The following ARMH3 variants were observed in gnomAD, a reference collection of about 807,000 sequenced individuals.
The protein encoded by ARMH3 is armadillo like helical domain containing 3, also known as armadillo-like helical domain-containing protein 3.
ARMH3 carries 60 observed loss-of-function variants against 99.1 expected under a neutral mutation model. The ratio of observed to expected loss-of-function variants is 0.61; its 90% CI spans 0.49 to 0.75. ARMH3 has a LOEUF of 0.75. Among genes scored for constraint, ARMH3 ranks in the 30% least tolerant of loss-of-function variants. The probability of loss-of-function intolerance (pLI) is 0.00; values close to 1 mark genes in which losing one functional copy is unlikely to be tolerated. For synonymous variants in ARMH3, 285 were observed against 292.8 expected, an observed-to-expected ratio of 0.97 and a Z score of 0.27; for missense variants, 679 against 843.1, an observed-to-expected ratio of 0.81 and a Z score of 2.41.
chr10:101,877,078 G>A (rs775024548), intron 24 of ARMH3, among the ~76,000 whole-genome samples: 24 of 152,004 alleles, frequency 1.6e-4, no homozygotes, highest in Middle Eastern at 3.4e-3. Flanking sequence ...GTGTGGTGGC[G>A]CACACCTGTA....
At chr10:101,928,577 G>C (rs1454274837) in intron 23 of ARMH3, among the ~76,000 whole-genome samples, 1 of 152,176 alleles carries the variant, frequency 6.6e-6, no homozygotes, top group Admixed American at 6.5e-5. Flanking sequence ...GCTAAGGCAG[G>C]AGGATCACTT....
intron 20 of ARMH3, 74 bp downstream of exon 20, chr10:101,975,138 T>C: frequency 1.2e-6 from 1 of 865,572 alleles, no homozygotes; most frequent in Non-Finnish European, 1.5e-6. Context: ...AAACAAAAAA[T>C]CCACCTTGAG....
At chr10:101,901,576 G>A (rs1169542121) in intron 23 of ARMH3, among the ~76,000 whole-genome samples, 1 of 152,050 alleles carries the variant, frequency 6.6e-6, no homozygotes, top group Non-Finnish European at 1.5e-5. Flanking sequence ...CGCCCTTCTC[G>A]TCAGCTCTGA....
At chr10:101,946,634 G>C (rs867311719) in intron 22 of ARMH3, among the ~76,000 whole-genome samples, 5 of 152,108 alleles carry the variant, frequency 3.3e-5, no homozygotes, top group Admixed American at 6.6e-5. Flanking sequence ...GACAAATGGG[G>C]GAGGGGAGGG....
chr10:101,885,383 C>A (rs190719172), intron 24 of ARMH3, among the ~76,000 whole-genome samples: 1 of 152,160 alleles, frequency 6.6e-6, no homozygotes, highest in Admixed American at 6.5e-5. Context: ...TGGAGATAAC[C>A]CAAATGTCCA....
At chr10:102,053,083 A>C (rs1429657578) in intron 1 of ARMH3, among the ~76,000 whole-genome samples, 1 of 151,942 alleles carries the variant, frequency 6.6e-6, no homozygotes, top group East Asian at 1.9e-4. Flanking sequence ...CCTCCTCTTC[A>C]TTCCCACAGC....
intron 8 of ARMH3, among the ~76,000 whole-genome samples, chr10:102,022,876 G>A (rs1031339678): frequency 2.7e-5 from 4 of 146,898 alleles, no homozygotes; most frequent in Non-Finnish European, 4.5e-5. Flanking sequence ...CACCGTGCCC[G>A]GCCGAAATTT....
chr10:102,041,075 C>CATATATATATATATAATATATATATATAT (rs199540605), intron 1 of ARMH3, among the ~76,000 whole-genome samples: 1 of 132,008 alleles, frequency 7.6e-6, no homozygotes, highest in Non-Finnish European at 1.6e-5. Flanking sequence ...ATTGTGTGTA[C>CATATATATATATATAATATATATATATAT]ATATATATAT....
chr10:102,038,098 T>TC (rs1330067819), intron 2 of ARMH3, among the ~76,000 whole-genome samples: 1 of 143,478 alleles, frequency 7.0e-6, no homozygotes, highest in Non-Finnish European at 1.5e-5. Context: ...CCTTTTTTTT[T>TC]TTTTTTTTTT....
rs369302068 is a variant in ARMH3 at position 101,849,820 on chromosome 10, G to A, written c.1933C>T (p.Arg645Cys). The A allele has an allele frequency of 5.0e-6, 8 of 1,614,172 alleles. No individual in the cohort carries two copies. Among genetic ancestry groups the A allele is most frequent in the South Asian group, 1.1e-5 (1 of 91,088 alleles). Residue 645 changes from arginine to cysteine, a missense_variant, in exon 25 of 26, where the codon CGC becomes TGC. By Grantham distance (180) the Arg-to-Cys change is radical. Transcript: ENST00000370033. ...KLQDGLDQYE[R>C]YSEQHKEAAF... ...GCTTCCTTGTGCTGCTCTGAGTAGC[G>A]CTCATACTGGTCCAGGCCATCCTGC...
chr10:101,980,093 C>G (rs1684601687), intron 19 of ARMH3, among the ~76,000 whole-genome samples: 1 of 152,204 alleles, frequency 6.6e-6, no homozygotes, highest in Non-Finnish European at 1.5e-5. Context: ...ACTCCAGGCT[C>G]ATCACACAAA....
intron 1 of ARMH3, among the ~76,000 whole-genome samples, chr10:102,043,417 G>C (rs898292283): frequency 6.6e-6 from 1 of 152,170 alleles, no homozygotes; most frequent in African/African-American, 2.4e-5. Context: ...AGCACCTAAA[G>C]CCCTAGTTTA....
intron 19 of ARMH3, among the ~76,000 whole-genome samples, chr10:101,985,346 T>C (rs148769274): frequency 0.012 from 1,799 of 151,070 alleles, 32 homozygotes; most frequent in African/African-American, 0.038. Context: ...TGGGTTTATA[T>C]ATACACATAT....
At chr10:101,854,833 A>G (rs1037852039) in intron 24 of ARMH3, among the ~76,000 whole-genome samples, 1 of 151,918 alleles carries the variant, frequency 6.6e-6, no homozygotes, top group Non-Finnish European at 1.5e-5. Context: ...ACATCTTATA[A>G]GGCTGATGTG....
chr10:102,007,171 A>AAAAAAAG (rs2066516881), intron 13 of ARMH3, among the ~76,000 whole-genome samples: 3 of 149,356 alleles, frequency 2.0e-5, no homozygotes, highest in African/African-American at 4.9e-5. Context: ...AAAAAAAAAA[A>AAAAAAAG]AAAAAAAGAA....
rs546674218 is a variant in ARMH3, at chr10:102,006,452, C to T, written c.1048+88G>A. ...ATTTAGTGGGAAAAATTAACAACTA[C>T]GTAGGTTCTTTGTTGAACACAGCTA... On this transcript the variant is annotated intron_variant, in intron 14 of 25. Transcript: ENST00000370033. 9.8e-5 allele frequency: 140 copies of T among 1,422,292 alleles called. No individual in the cohort carries two copies. In the African/African-American group the frequency reaches 1.5e-3, roughly 15 times the overall value. The allele number at this position is 1,422,292 out of a possible 1,614,324, so 88.1% of individuals were successfully genotyped here.
At chr10:102,022,763 G>T (rs1256606668) in intron 8 of ARMH3, among the ~76,000 whole-genome samples, 1 of 150,142 alleles carries the variant, frequency 6.7e-6, no homozygotes, top group East Asian at 2.0e-4. Flanking sequence ...TGTATTTTTA[G>T]TAGAGACGGG....
rs116093009 is a variant in ARMH3 at position 102,045,160 on chromosome 10, A to G, written c.-11-5035T>C. Among the ~76,000 whole-genome samples the G allele has an allele frequency of 7.9e-3, 1,196 of 151,596 alleles. 17 individuals are homozygous for G. The highest frequency in any genetic ancestry group is 0.028 in the African/African-American group (1,134 of 41,076). On this transcript the variant is annotated intron_variant, in intron 1 of 25. Coordinates refer to ENST00000370033, the MANE Select transcript of ARMH3 (RefSeq NM_024541.3). The stretch of plus-strand genomic sequence containing the variant: ...AAAAAAAAAAAAAAAGAGCGAAACA[A>G]AAGTAAATAGTTTAGGGGGAAAAAT...
At chr10:102,034,970 C>T (rs959269001) in intron 2 of ARMH3, among the ~76,000 whole-genome samples, 1 of 152,160 alleles carries the variant, frequency 6.6e-6, no homozygotes, top group African/African-American at 2.4e-5. Flanking sequence ...GGCACAGTGG[C>T]TCACACCTGT....
Sources: gnomAD v4.1 joint callset for allele counts (sites outside exome capture counted in the v4.1 genomes callset) on GRCh38, gnomAD v4.1.1 for gene constraint, MANE v1.5 for transcripts, NCBI Gene and HGNC (gene_info 2026-07-23, HGNC 2026-07-21) for gene names.